TBC1D32: variants seen among roughly 807,000 people sequenced by gnomAD.
TBC1D32 encodes the protein TBC1 domain family member 32.
In TBC1D32, 151 loss-of-function variants were observed where a neutral mutation model predicts 170.3. The observed-to-expected ratio is 0.89, with a 90% CI of 0.78 to 1.01. The LOEUF is 1.01. Among genes scored for constraint, TBC1D32 ranks in the 50% least tolerant of loss-of-function variants. TBC1D32 has a pLI of 0.00. For missense variants in TBC1D32, 1,464 were observed against 1,457.1 expected, an observed-to-expected ratio of 1.00 and a Z score of -0.08; for synonymous variants, 498 against 488.0, an observed-to-expected ratio of 1.02 and a Z score of -0.27.
chr6:121,181,166 G>A (rs1788455731), intron 22 of TBC1D32, among the ~76,000 whole-genome samples: 2 of 152,016 alleles, frequency 1.3e-5, no homozygotes, highest in African/African-American at 4.8e-5. Context: ...ACAGCCATTA[G>A]GGAAAAGAGT....
chr6:121,088,281 T>C (rs772899754), intron 31 of TBC1D32, among the ~76,000 whole-genome samples: 2 of 152,094 alleles, frequency 1.3e-5, no homozygotes, highest in Non-Finnish European at 2.9e-5. Flanking sequence ...GATAAGTCTT[T>C]TTTCCCTCTG....
chr6:121,286,827 A>G (rs1378682998), intron 12 of TBC1D32, among the ~76,000 whole-genome samples: 1 of 152,210 alleles, frequency 6.6e-6, no homozygotes, highest in Admixed American at 6.5e-5. Context: ...TACAAGCCAG[A>G]AGAGAGTGGG....
chr6:121,088,546 G>A (rs1776483752), intron 31 of TBC1D32, among the ~76,000 whole-genome samples: 2 of 151,978 alleles, frequency 1.3e-5, no homozygotes, highest in South Asian at 4.1e-4. Context: ...TAGTTAAAGG[G>A]ATATGTAAAT....
upstream of TBC1D32, chr6:121,334,587 G>C (rs1176943819): frequency 1.2e-6 from 1 of 828,962 alleles, no homozygotes; most frequent in East Asian, 2.7e-5. Flanking sequence ...TCAGCTGCCA[G>C]TGCGTCATTT....
Position 121,334,379 on chromosome 6 carries a change from G to T in TBC1D32, c.52C>A (p.Arg18=). Residue 18 remains arginine, a synonymous_variant, in exon 1 of 32, where the codon CGG becomes AGG. Coordinates refer to ENST00000398212, the MANE Select transcript of TBC1D32 (RefSeq NM_152730.6). The stretch of plus-strand genomic sequence containing the variant: ...TTCTCCTTCACGCTCTGGAACAACC[G>T]CCTCAGCATCGCCTGCAGCATCGCC... ...DQAMLQAMLR[R]LFQSVKEKIT... is the part of the protein sequence containing the mutation. 6.2e-7 allele frequency: 1 copy of T among 1,614,158 alleles called. No individual in the cohort carries two copies. Among genetic ancestry groups the T allele is most frequent in the Non-Finnish European group, 8.5e-7 (1 of 1,180,010 alleles).
At chr6:121,094,745 A>G (rs539360040) in intron 30 of TBC1D32, among the ~76,000 whole-genome samples, 12 of 152,242 alleles carry the variant, frequency 7.9e-5, no homozygotes, top group Non-Finnish European at 1.5e-4. Context: ...CTCCAACTGC[A>G]TAATATTCCA....
At chr6:121,223,105 A>T (rs1794698771) in intron 21 of TBC1D32, 131 bp downstream of exon 21, 1 of 591,508 alleles carries the variant, frequency 1.7e-6, no homozygotes, top group African/African-American at 2.0e-5. Flanking sequence ...TTCATGCATG[A>T]TTAATCAAAT....
At chr6:121,162,531 T>C (rs926979808) in intron 22 of TBC1D32, among the ~76,000 whole-genome samples, 15 of 152,198 alleles carry the variant, frequency 9.9e-5, no homozygotes, top group African/African-American at 2.4e-4. Context: ...CTATTAAACA[T>C]AGTATTGGAA....
At chr6:121,221,746 A>G (rs547566410) in intron 21 of TBC1D32, among the ~76,000 whole-genome samples, 1 of 152,350 alleles carries the variant, frequency 6.6e-6, no homozygotes, top group East Asian at 1.9e-4. Flanking sequence ...GATCAAAATC[A>G]AACAGATGAG....
chr6:121,097,055 A>G (rs1331435982), intron 30 of TBC1D32, among the ~76,000 whole-genome samples: 1 of 152,186 alleles, frequency 6.6e-6, no homozygotes, highest in East Asian at 1.9e-4. Context: ...CTCAAGATTG[A>G]TTAAAGACTT....
At chr6:121,174,922 CCGGAGAGG>C (rs1787549598) in intron 22 of TBC1D32, among the ~76,000 whole-genome samples, 2 of 151,616 alleles carry the variant, frequency 1.3e-5, no homozygotes. Context: ...GTCCCAGCTA[CCGGAGAGG>C]CTGAGGTGGG....
chr6:121,098,510 A>C (rs1193977137), intron 30 of TBC1D32, among the ~76,000 whole-genome samples: 1 of 152,006 alleles, frequency 6.6e-6, no homozygotes, highest in Non-Finnish European at 1.5e-5. Flanking sequence ...TAAAGGTTAA[A>C]ATTTTAAATG....
chr6:121,160,936 C>G lies in TBC1D32; in HGVS notation c.2679+12G>C, dbSNP rs749656204. 2.7e-5 allele frequency: 43 copies of G among 1,604,294 alleles called. No homozygotes were observed. Among genetic ancestry groups the G allele is most frequent in the Non-Finnish European group, 5.1e-6 (6 of 1,171,340 alleles). On this transcript the variant is annotated intron_variant, in intron 23 of 31. Coordinates refer to ENST00000398212, the MANE Select transcript of TBC1D32 (RefSeq NM_152730.6). ...GAAAAACACATCCCACTTCTCTTTG[C>G]CCCACACTCACCTTTTCGAGTAACC...
At chr6:121,254,081 T>C (rs1431289084) in intron 17 of TBC1D32, among the ~76,000 whole-genome samples, 1 of 152,146 alleles carries the variant, frequency 6.6e-6, no homozygotes, top group African/African-American at 2.4e-5. Flanking sequence ...AATAATGTCT[T>C]TTGCACCAAG....
chr6:121,281,561 A>T lies in TBC1D32; in HGVS notation c.1591T>A (p.Leu531Ile). 1 of 1,605,492 alleles carries T rather than the reference A, an allele frequency of 6.2e-7. No homozygotes were observed. The highest frequency in any genetic ancestry group is 8.5e-7 in the Non-Finnish European group (1 of 1,175,518). ...ATACGAACCTCATTTCCTTTCATTA[A>T]ATTGTGAATAGGCTGAAGAAGTGTC... ...IETLLQPIHN[L>I]MKGNEASPNC... Residue 531 changes from leucine to isoleucine, a missense_variant, in exon 14 of 32, where the codon TTA becomes ATA. Physicochemically the swap from Leu to Ile is conservative, Grantham distance 5. Around this residue, in one of 3 missense-constraint regions of TBC1D32, gnomAD observed 1,363 missense variants for 1,338.1 expected, o/e 1.02. Transcript: ENST00000398212.
At chr6:121,284,000 T>C (rs1803418714) in intron 12 of TBC1D32, 90 bp from the exon 13 acceptor site, 4 of 951,948 alleles carry the variant, frequency 4.2e-6, no homozygotes, top group African/African-American at 1.7e-5. Flanking sequence ...ATCTATATAG[T>C]TGAGGTTTTG....
At chr6:121,223,679 T>C (rs1794766381) in intron 20 of TBC1D32, among the ~76,000 whole-genome samples, 1 of 152,124 alleles carries the variant, frequency 6.6e-6, no homozygotes, top group African/African-American at 2.4e-5. Flanking sequence ...CACTTTCATA[T>C]CCAATATGTA....
At chr6:121,100,645 A>C (rs1777932555) in intron 30 of TBC1D32, among the ~76,000 whole-genome samples, 1 of 152,106 alleles carries the variant, frequency 6.6e-6, no homozygotes. Context: ...GAAAGATCTA[A>C]AATTGACACC....
intron 17 of TBC1D32, among the ~76,000 whole-genome samples, chr6:121,245,546 C>A (rs952629567): frequency 6.6e-6 from 1 of 152,174 alleles, no homozygotes; most frequent in African/African-American, 2.4e-5. Flanking sequence ...GGAAAGTCTA[C>A]CTCTCTATCC....
Sources: allele counts gnomAD v4.1 joint callset (sites outside exome capture counted in the v4.1 genomes callset), GRCh38; gene constraint gnomAD v4.1.1; regional missense constraint gnomAD v4.1.1; transcripts MANE v1.5; gene names NCBI Gene and HGNC (gene_info 2026-07-23, HGNC 2026-07-21).